TYW1B: variants seen among roughly 807,000 people sequenced by gnomAD.
TYW1B encodes tRNA-yW synthesizing protein 1 homolog B.
Under a neutral mutation model 86.9 loss-of-function variants are expected in TYW1B, and 73 were observed. The ratio of observed to expected loss-of-function variants is 0.84; its 90% CI spans 0.70 to 1.02. TYW1B has a LOEUF of 1.02. Ranked by LOEUF, TYW1B falls within the 50% of genes least tolerant of loss-of-function variation. The pLI, the probability that TYW1B is intolerant of heterozygous loss-of-function variation, is 0.00. For missense variants in TYW1B, 637 were observed against 827.4 expected (o/e 0.77, Z 2.82); for synonymous variants, 248 against 292.8 (o/e 0.85, Z 1.56).
chr7:72,604,504 G>T (rs1811750355), intron 13 of TYW1B, among the ~76,000 whole-genome samples: 1 of 151,748 alleles, frequency 6.6e-6, no homozygotes, highest in Admixed American at 6.6e-5. Context: ...GAAGAATGAA[G>T]TTTTGAAACA....
At chr7:72,587,748 C>T (rs1242548945) in intron 13 of TYW1B, among the ~76,000 whole-genome samples, 1 of 152,130 alleles carries the variant, frequency 6.6e-6, no homozygotes, top group Admixed American at 6.6e-5. Context: ...GCCATCGGGT[C>T]CCTAGCAAGA....
intron 7 of TYW1B, among the ~76,000 whole-genome samples, chr7:72,774,437 T>C (rs1228463248): frequency 6.8e-6 from 1 of 146,386 alleles, no homozygotes; most frequent in Non-Finnish European, 1.5e-5. Flanking sequence ...TATAAAAATA[T>C]CCAGGCCAGG....
At chr7:72,754,642 T>A (rs1481365000) in intron 7 of TYW1B, among the ~76,000 whole-genome samples, 1 of 151,772 alleles carries the variant, frequency 6.6e-6, no homozygotes, top group East Asian at 1.9e-4. Context: ...TTCATCATGT[T>A]TGCCAGGCTG....
intron 10 of TYW1B, among the ~76,000 whole-genome samples, chr7:72,698,912 G>A (rs868933972): frequency 2.2e-4 from 33 of 152,204 alleles, no homozygotes; most frequent in Admixed American, 1.1e-3. Context: ...TCCTCAGGAA[G>A]AAATTCTGAA....
chr7:72,764,817 C>T (rs1554468036), intron 7 of TYW1B, among the ~76,000 whole-genome samples: 1 of 152,148 alleles, frequency 6.6e-6, no homozygotes, highest in African/African-American at 2.4e-5. Flanking sequence ...TGTGACTTTT[C>T]ATTTTTGGTT....
At position 72,575,094 on chromosome 7, in the gene TYW1B, GTGGCTGCTCCA is replaced by G; in HGVS notation, c.*393_*403del. ...TCAGGGTAGTGCAATTCAATGCTAA[GTGGCTGCTCCA>G]TGAAATCCAAGGGCCAGGTGAGGGG... On this transcript the variant is annotated 3_prime_UTR_variant, in exon 14 of 14. Coordinates refer to ENST00000620995, the MANE Select transcript of TYW1B (RefSeq NM_001145440.3). 1 of 1,041,938 alleles carries G rather than the reference GTGGCTGCTCCA, an allele frequency of 9.6e-7. No individual in the cohort carries two copies. The highest frequency in any genetic ancestry group is 1.2e-6 in the Non-Finnish European group (1 of 865,064). The allele number at this position is 1,041,938 out of a possible 1,614,324, so 64.5% of individuals were successfully genotyped here.
chr7:72,672,326 C>G (rs1331336619), intron 11 of TYW1B, among the ~76,000 whole-genome samples: 2 of 151,798 alleles, frequency 1.3e-5, no homozygotes, highest in Non-Finnish European at 1.5e-5. Flanking sequence ...TGGACTAATA[C>G]CCAAGGGATT....
At position 72,699,448 on chromosome 7, in the gene TYW1B, C is replaced by T. The variant is rs2844229; in HGVS notation, c.1371-4626G>A. 5.9e-5 allele frequency among the ~76,000 whole-genome samples: 9 copies of T among 152,230 alleles called. No homozygotes were observed. In the South Asian group the frequency reaches 8.3e-4, roughly 14 times the overall value. ...AGTCACGTGGCTCCAGTGTGATGGACGGATTAAAAAGCCAGCACAGTGCAC... is the reference window on the plus strand; with the variant it reads ...AGTCACGTGGCTCCAGTGTGATGGATGGATTAAAAAGCCAGCACAGTGCAC... On this transcript the variant is annotated intron_variant, in intron 10 of 13. Transcript: ENST00000620995.
chr7:72,782,977 G>A (rs1554471874), intron 6 of TYW1B, among the ~76,000 whole-genome samples: 1 of 152,172 alleles, frequency 6.6e-6, no homozygotes, highest in East Asian at 1.9e-4. Flanking sequence ...AGCACAGGAT[G>A]GGCATTCGGT....
chr7:72,785,381 T>C (rs1282149261), intron 6 of TYW1B, among the ~76,000 whole-genome samples: 1 of 147,792 alleles, frequency 6.8e-6, no homozygotes, highest in Non-Finnish European at 1.5e-5. Flanking sequence ...ATTAAAGTTA[T>C]ATTCTAATTC....
intron 8 of TYW1B, among the ~76,000 whole-genome samples, chr7:72,735,308 G>A (rs1476612980): frequency 3.3e-5 from 5 of 152,092 alleles, no homozygotes; most frequent in Non-Finnish European, 5.9e-5. Context: ...AGTGGGTCAC[G>A]CCTGTAATCC....
intron 13 of TYW1B, among the ~76,000 whole-genome samples, chr7:72,614,507 C>T (rs1283281440): frequency 6.6e-6 from 1 of 152,094 alleles, no homozygotes; most frequent in Non-Finnish European, 1.5e-5. Context: ...GTGGCTCACG[C>T]CTGTAGTCCC....
intron 11 of TYW1B, among the ~76,000 whole-genome samples, chr7:72,651,380 G>A (rs1813051642): frequency 6.6e-6 from 1 of 152,204 alleles, no homozygotes; most frequent in Non-Finnish European, 1.5e-5. Flanking sequence ...CACTCTGGGA[G>A]GCCGAGGTGG....
chr7:72,660,907 C>T (rs1477967300), intron 11 of TYW1B, among the ~76,000 whole-genome samples: 2 of 151,610 alleles, frequency 1.3e-5, no homozygotes, highest in African/African-American at 4.8e-5. Context: ...GAGGCTGAGG[C>T]GGGTGGATCA....
At chr7:72,734,127 A>G (rs1787160047) in intron 8 of TYW1B, among the ~76,000 whole-genome samples, 2 of 152,044 alleles carry the variant, frequency 1.3e-5, no homozygotes, top group South Asian at 4.1e-4. Context: ...GAGTGGTGGC[A>G]GGCACCTGTA....
intron 7 of TYW1B, chr7:72,769,135 T>G (rs1787824506): frequency 2.2e-6 from 1 of 445,274 alleles, no homozygotes. Context: ...TGCTTTCATC[T>G]CTGTGTTGCC....
intron 13 of TYW1B, among the ~76,000 whole-genome samples, chr7:72,609,579 T>A (rs1294254302): frequency 6.7e-6 from 1 of 149,776 alleles, no homozygotes; most frequent in Non-Finnish European, 1.5e-5. Flanking sequence ...TAAAAAAAAA[T>A]AAATAAATTG....
chr7:72,703,073 A>G (rs1277022998), intron 10 of TYW1B, among the ~76,000 whole-genome samples: 2 of 139,620 alleles, frequency 1.4e-5, no homozygotes, highest in Non-Finnish European at 3.0e-5. Context: ...CTCCCAGGCC[A>G]GAGTGCAGTG....
At chr7:72,709,470 C>T (rs1554454252) in intron 10 of TYW1B, among the ~76,000 whole-genome samples, 1 of 66,212 alleles carries the variant, frequency 1.5e-5, no homozygotes, top group Non-Finnish European at 3.2e-5. Flanking sequence ...AGATCGAGAC[C>T]ATCCTGCTAA....
Sources: allele counts gnomAD v4.1 joint callset (sites outside exome capture counted in the v4.1 genomes callset), GRCh38; gene constraint gnomAD v4.1.1; transcripts MANE v1.5; gene names NCBI Gene and HGNC (gene_info 2026-07-23, HGNC 2026-07-21).